The following AGMO variants were observed in gnomAD, a reference collection of about 807,000 sequenced individuals.
AGMO encodes glyceryl-ether monooxygenase.
AGMO carries 75 observed loss-of-function variants against 60.2 expected under a neutral mutation model. That is an observed-to-expected ratio of 1.25 (90% CI 1.03 to 1.51). The LOEUF (loss-of-function observed/expected upper bound fraction) is 1.51. Ranked by LOEUF, AGMO falls within the 40% of genes most tolerant of loss-of-function variation. The probability of loss-of-function intolerance (pLI) is 0.00; values close to 1 mark genes in which losing one functional copy is unlikely to be tolerated. For missense variants in AGMO, 763 were observed against 525.5 expected, an observed-to-expected ratio of 1.45 and a Z score of -4.42; for synonymous variants, 261 against 177.1, an observed-to-expected ratio of 1.47 and a Z score of -3.76.
At chr7:15,250,815 G>A (rs1013112316) in intron 12 of AGMO, among the ~76,000 whole-genome samples, 6 of 151,878 alleles carry the variant, frequency 4.0e-5, no homozygotes, top group Non-Finnish European at 8.8e-5. Context: ...CATGGTGGCA[G>A]GTGCCTGTAA....
At chr7:15,224,928 G>A (rs1421709148) in intron 12 of AGMO, among the ~76,000 whole-genome samples, 2 of 151,868 alleles carry the variant, frequency 1.3e-5, no homozygotes, top group African/African-American at 4.8e-5. Flanking sequence ...TTTAACTTGT[G>A]ATAAAAATAC....
intron 3 of AGMO, among the ~76,000 whole-genome samples, chr7:15,434,126 T>G (rs1416471932): frequency 6.6e-6 from 1 of 152,192 alleles, no homozygotes; most frequent in Non-Finnish European, 1.5e-5. Context: ...GTAGTCAGAC[T>G]TCAAGATGGC....
At chr7:15,557,276 A>C (rs1183087520) in intron 2 of AGMO, among the ~76,000 whole-genome samples, 1 of 152,140 alleles carries the variant, frequency 6.6e-6, no homozygotes, top group African/African-American at 2.4e-5. Context: ...TTATTATCCA[A>C]AGCATAATTC....
chr7:15,162,473 G>C, the AGMO span, among the ~76,000 whole-genome samples: 2 of 152,020 alleles, frequency 1.3e-5, no homozygotes, highest in African/African-American at 4.8e-5. Context: ...CAGGTGGTTT[G>C]CTTGAGCTCA....
At chr7:15,452,202 C>T (rs927833975) in intron 3 of AGMO, among the ~76,000 whole-genome samples, 1 of 151,166 alleles carries the variant, frequency 6.6e-6, no homozygotes, top group African/African-American at 2.4e-5. Context: ...GATATGATAC[C>T]AGAAGGCCAA....
downstream of AGMO, among the ~76,000 whole-genome samples, chr7:15,199,874 A>C (rs1156839683): frequency 6.6e-6 from 1 of 152,202 alleles, no homozygotes; most frequent in East Asian, 1.9e-4. Context: ...TCATCATGCA[A>C]AATTTAATCT....
chr7:15,536,084 A>G (rs527836804), intron 3 of AGMO, among the ~76,000 whole-genome samples: 1 of 151,974 alleles, frequency 6.6e-6, no homozygotes, highest in African/African-American at 2.4e-5. Flanking sequence ...CATGTATTCA[A>G]TAACAGTGGT....
At chr7:15,414,355 G>T (rs1324362786) in intron 5 of AGMO, among the ~76,000 whole-genome samples, 1 of 152,082 alleles carries the variant, frequency 6.6e-6, no homozygotes, top group Non-Finnish European at 1.5e-5. Context: ...TAGCTAAAAG[G>T]TTGGGAGGGC....
At chr7:15,403,929 C>T (rs760716193) in intron 5 of AGMO, among the ~76,000 whole-genome samples, 4 of 151,894 alleles carry the variant, frequency 2.6e-5, no homozygotes, top group Non-Finnish European at 4.4e-5. Flanking sequence ...TGCTTGTCTG[C>T]CTAGTTTCAC....
chr7:15,256,799 C>G (rs1285246639), intron 12 of AGMO, among the ~76,000 whole-genome samples: 1 of 152,148 alleles, frequency 6.6e-6, no homozygotes, highest in East Asian at 1.9e-4. Flanking sequence ...GTGTAGTAGG[C>G]TATTCCACCT....
chr7:15,250,997 T>C (rs1230035322), intron 12 of AGMO, among the ~76,000 whole-genome samples: 2 of 152,028 alleles, frequency 1.3e-5, no homozygotes, highest in African/African-American at 4.8e-5. Context: ...AAAAAAATTA[T>C]TTCTGAACCA....
intron 12 of AGMO, among the ~76,000 whole-genome samples, chr7:15,216,136 A>T: frequency 6.6e-6 from 1 of 152,048 alleles, no homozygotes; most frequent in Non-Finnish European, 1.5e-5. Context: ...TTTCAACATA[A>T]ATCAGGGTCA....
At chr7:15,357,551 A>G (rs1562454793) in intron 12 of AGMO, among the ~76,000 whole-genome samples, 2 of 152,182 alleles carry the variant, frequency 1.3e-5, no homozygotes, top group South Asian at 4.1e-4. Context: ...TGGTCTGATA[A>G]TTTGTTTGAC....
chr7:15,396,263 G>A (rs1197325120), intron 5 of AGMO: 2 of 152,066 alleles, frequency 1.3e-5, no homozygotes, highest in South Asian at 2.1e-4. Flanking sequence ...CAGTTCTTAA[G>A]GGCAGCTTCT....
At chr7:15,499,747 A>G (rs1783327524) in intron 3 of AGMO, among the ~76,000 whole-genome samples, 1 of 151,734 alleles carries the variant, frequency 6.6e-6, no homozygotes, top group Admixed American at 6.6e-5. Flanking sequence ...AACAATAGAG[A>G]ACTGCCTGAA....
At chr7:15,263,530 A>T (rs1783341753) in intron 12 of AGMO, among the ~76,000 whole-genome samples, 1 of 152,142 alleles carries the variant, frequency 6.6e-6, no homozygotes, top group South Asian at 2.1e-4. Context: ...AAAGAACTAA[A>T]GTAGATTTAC....
intron 8 of AGMO, among the ~76,000 whole-genome samples, chr7:15,390,332 C>A (rs1182018469): frequency 6.6e-6 from 1 of 152,162 alleles, no homozygotes; most frequent in African/African-American, 2.4e-5. Context: ...ATTTTTCTTA[C>A]TGCGGGATCA....
rs185037423 is a variant in AGMO at position 15,491,108 on chromosome 7, T to G, written c.409+53664A>C. Among the ~76,000 whole-genome samples the G allele has an allele frequency of 4.1e-3, 622 of 152,284 alleles. 5 individuals are homozygous for G. Among genetic ancestry groups the G allele is most frequent in the African/African-American group, 0.014 (588 of 41,558 alleles). Reference sequence around the variant, plus strand: ...GAATTACATTTATACACTGCTATATTTATTTATCAGTCTCTGAATCAACAA... The same window carrying G: ...GAATTACATTTATACACTGCTATATGTATTTATCAGTCTCTGAATCAACAA... On this transcript the variant is annotated intron_variant, in intron 3 of 12. Coordinates refer to ENST00000342526, the MANE Select transcript of AGMO (RefSeq NM_001004320.2).
intron 5 of AGMO, among the ~76,000 whole-genome samples, chr7:15,408,569 T>G (rs781010291): frequency 6.6e-6 from 1 of 151,834 alleles, no homozygotes; most frequent in Non-Finnish European, 1.5e-5. Flanking sequence ...TTAACAATTA[T>G]GCCAGAAAAA....
Sources: allele counts gnomAD v4.1 joint callset (sites outside exome capture counted in the v4.1 genomes callset), GRCh38; gene constraint gnomAD v4.1.1; transcripts MANE v1.5; gene names NCBI Gene and HGNC (gene_info 2026-07-23, HGNC 2026-07-21).